SPAG16: variants seen among roughly 807,000 people sequenced by gnomAD.
SPAG16 encodes the protein sperm associated antigen 16.
A neutral mutation model predicts 80.4 loss-of-function variants in SPAG16; 86 were observed. The observed-to-expected ratio is 1.07, with a 90% CI of 0.90 to 1.28. The LOEUF (loss-of-function observed/expected upper bound fraction) is 1.28. SPAG16 is among the 50% of genes most tolerant of loss of function. SPAG16 has a pLI of 0.00. For missense variants in SPAG16, 870 were observed against 765.3 expected (o/e 1.14, Z -1.61); for synonymous variants, 294 against 265.9 (o/e 1.11, Z -1.03).
intron 14 of SPAG16, among the ~76,000 whole-genome samples, chr2:214,131,327 G>T (rs909432508): frequency 6.6e-6 from 1 of 151,012 alleles, no homozygotes. Context: ...CTGTGATCAT[G>T]CCACTGTACT....
At chr2:213,474,284 G>C (rs891482090) in intron 9 of SPAG16, among the ~76,000 whole-genome samples, 1 of 152,168 alleles carries the variant, frequency 6.6e-6, no homozygotes, top group Non-Finnish European at 1.5e-5. Flanking sequence ...CCACTCACAT[G>C]ATAAGAGCTT....
chr2:213,733,650 A>T (rs1447358495), intron 10 of SPAG16, among the ~76,000 whole-genome samples: 1 of 152,020 alleles, frequency 6.6e-6, no homozygotes, highest in African/African-American at 2.4e-5. Flanking sequence ...AAGCTAGTCC[A>T]TCCTTAACCT....
intron 6 of SPAG16, among the ~76,000 whole-genome samples, chr2:213,342,343 C>CGTATATATGTATATATATATTACAT (rs1553631854): frequency 8.5e-6 from 1 of 117,908 alleles, no homozygotes; most frequent in Non-Finnish European, 1.7e-5. Context: ...ATATATATTA[C>CGTATATATGTATATATATATTACAT]ATATATGTAT....
intron 15 of SPAG16, among the ~76,000 whole-genome samples, chr2:214,258,490 T>TATATATATAC (rs771803590): frequency 1.6e-4 from 24 of 147,468 alleles, no homozygotes; most frequent in Admixed American, 2.7e-4. Flanking sequence ...TATATATATA[T>TATATATATAC]ACACACACAC....
intron 3 of SPAG16, among the ~76,000 whole-genome samples, chr2:213,299,256 C>T (rs1040196672): frequency 2.0e-5 from 3 of 151,020 alleles, no homozygotes; most frequent in African/African-American, 4.9e-5. Flanking sequence ...TGACTTATTG[C>T]GACTTATTGA....
chr2:214,283,085 C>T (rs898331628), intron 15 of SPAG16, among the ~76,000 whole-genome samples: 1 of 151,900 alleles, frequency 6.6e-6, no homozygotes, highest in Non-Finnish European at 1.5e-5. Flanking sequence ...TGCAGCCTAG[C>T]AAACACATAA....
chr2:214,403,125 G>A (rs928625834), intron 15 of SPAG16, among the ~76,000 whole-genome samples: 10 of 150,890 alleles, frequency 6.6e-5, no homozygotes, highest in East Asian at 3.9e-4. Context: ...CCTCAAATCC[G>A]GATGCCATCA....
intron 15 of SPAG16, among the ~76,000 whole-genome samples, chr2:214,363,103 T>A (rs1407499384): frequency 6.6e-6 from 1 of 151,982 alleles, no homozygotes; most frequent in Non-Finnish European, 1.5e-5. Context: ...TTTGTTATTA[T>A]GTTTTCTCCA....
intron 15 of SPAG16, among the ~76,000 whole-genome samples, chr2:214,359,779 A>G (rs575322864): frequency 3.9e-5 from 6 of 152,050 alleles, no homozygotes; most frequent in African/African-American, 9.6e-5. Context: ...TGTAGTGTCA[A>G]TTTGCTCTAA....
chr2:213,954,138 T>A (rs2043996964), intron 12 of SPAG16, among the ~76,000 whole-genome samples: 1 of 111,922 alleles, frequency 8.9e-6, no homozygotes, highest in Non-Finnish European at 2.2e-5. Flanking sequence ...GAGTCACTCC[T>A]ATTTTTTTTT....
rs372251697 is a variant in SPAG16 at position 213,635,356 on chromosome 2, C to T, written c.1070+145266C>T. On this transcript the variant is annotated intron_variant, in intron 10 of 15. Transcript: ENST00000331683. ...AGCCCTGGTTTCATATTTTTGCAAT[C>T]GTGAATTGTGCTGCTGTAAGCATGT... 5.3e-4 allele frequency among the ~76,000 whole-genome samples: 81 copies of T among 152,158 alleles called. No homozygotes were observed. In the East Asian group the frequency reaches 0.016, roughly 29 times the overall value.
In SPAG16 at chr2:213,322,352, A is replaced by C. The variant is rs865925536; in HGVS notation, c.536+4996A>C. Reference sequence around the variant, plus strand: ...GACAATGCAAAAAAAAAAAAAAAAAAAAAACAAAAAACTCGTTTGGGTGAT... The same window carrying C: ...GACAATGCAAAAAAAAAAAAAAAAACAAAACAAAAAACTCGTTTGGGTGAT... On this transcript the variant is annotated intron_variant, in intron 5 of 15. Transcript: ENST00000331683. Among the ~76,000 whole-genome samples, 369 of 112,220 alleles carry C rather than the reference A, an allele frequency of 3.3e-3. 3 individuals are homozygous for C. The highest frequency in any genetic ancestry group is 0.022 in the South Asian group (47 of 2,170). 73.6% of individuals were successfully genotyped at this position (112,220 alleles called of 152,430 possible).
chr2:213,773,798 C>T (rs753732354), intron 10 of SPAG16, among the ~76,000 whole-genome samples: 21 of 151,996 alleles, frequency 1.4e-4, no homozygotes, highest in Non-Finnish European at 2.2e-4. Flanking sequence ...GTGATCCACC[C>T]GCCTCAGCCT....
rs139836952 is a variant in SPAG16, at chr2:213,593,214, A to G, written c.1070+103124A>G. Among the ~76,000 whole-genome samples the G allele has an allele frequency of 7.5e-3, 1,144 of 152,258 alleles. 12 individuals are homozygous for G. Among genetic ancestry groups the G allele is most frequent in the Non-Finnish European group, 0.012 (794 of 68,010 alleles). ...GAGTTCTATTTCAATATGCTTCTTG[A>G]TATTTTCCTGTGTGGCTTCTAATAC... On this transcript the variant is annotated intron_variant, in intron 10 of 15. Transcript: ENST00000331683.
chr2:213,898,747 C>T (rs2077094511), intron 11 of SPAG16, among the ~76,000 whole-genome samples: 1 of 152,070 alleles, frequency 6.6e-6, no homozygotes, highest in Admixed American at 6.6e-5. Context: ...TGAAAAGTGA[C>T]TTAATAAACT....
At chr2:214,358,096 C>T (rs1012088634) in intron 15 of SPAG16, among the ~76,000 whole-genome samples, 12 of 151,882 alleles carry the variant, frequency 7.9e-5, no homozygotes, top group African/African-American at 2.4e-4. Context: ...TCAATGTTGG[C>T]GTCTCCCAGA....
chr2:213,605,939 T>C (rs1454040685), intron 10 of SPAG16, among the ~76,000 whole-genome samples: 2 of 152,354 alleles, frequency 1.3e-5, no homozygotes, highest in Middle Eastern at 3.4e-3. Flanking sequence ...ATTTACACCA[T>C]ACTGCAATTT....
chr2:213,620,442 G>A (rs575844758), intron 10 of SPAG16, among the ~76,000 whole-genome samples: 14 of 151,704 alleles, frequency 9.2e-5, no homozygotes, highest in South Asian at 2.1e-4. Context: ...ACAGGCACCC[G>A]CCACCACGCC....
chr2:213,879,386 G>GGT (rs796779910), intron 11 of SPAG16, among the ~76,000 whole-genome samples: 5 of 150,410 alleles, frequency 3.3e-5, no homozygotes, highest in Admixed American at 6.6e-5. Flanking sequence ...TATCCATGGG[G>GGT]GTGTGTGTGT....
Sources: allele counts gnomAD v4.1 joint callset (sites outside exome capture counted in the v4.1 genomes callset), GRCh38; gene constraint gnomAD v4.1.1; transcripts MANE v1.5; gene names NCBI Gene and HGNC (gene_info 2026-07-23, HGNC 2026-07-21).